The following GTF2F2 variants were observed in gnomAD, a reference collection of about 807,000 sequenced individuals.
GTF2F2 encodes the protein ATP-dependent helicase GTF2F2.
A neutral mutation model predicts 42.2 loss-of-function variants in GTF2F2; 23 were observed. The ratio of observed to expected loss-of-function variants is 0.55; its 90% CI spans 0.39 to 0.77. The LOEUF (loss-of-function observed/expected upper bound fraction) is 0.77, where lower values mean the gene tolerates loss of function less well. GTF2F2 is among the 30% of genes least tolerant of loss of function. The pLI, the probability that GTF2F2 is intolerant of heterozygous loss-of-function variation, is 0.00. For synonymous variants in GTF2F2, 105 were observed against 100.8 expected, an observed-to-expected ratio of 1.04 and a Z score of -0.25; for missense variants, 261 against 287.2, an observed-to-expected ratio of 0.91 and a Z score of 0.66.
chr13:45,164,527 G>T (rs1204675162), intron 4 of GTF2F2, among the ~76,000 whole-genome samples: 1 of 152,178 alleles, frequency 6.6e-6, no homozygotes. Flanking sequence ...GAGCCCAGAA[G>T]TTAGAGACCA....
chr13:45,275,751 T>C (rs1324100311), intron 7 of GTF2F2, among the ~76,000 whole-genome samples: 5 of 152,132 alleles, frequency 3.3e-5, no homozygotes, highest in East Asian at 1.9e-4. Context: ...TGAATAGTGC[T>C]GCAGTAAACA....
intron 5 of GTF2F2, among the ~76,000 whole-genome samples, chr13:45,240,413 T>A (rs1875229385): frequency 6.6e-6 from 1 of 152,188 alleles, no homozygotes; most frequent in Non-Finnish European, 1.5e-5. Flanking sequence ...TGGCCTGGTG[T>A]AGCTAGTGTA....
At chr13:45,132,381 G>A (rs534405805) in intron 1 of GTF2F2, among the ~76,000 whole-genome samples, 2 of 151,002 alleles carry the variant, frequency 1.3e-5, no homozygotes, top group Admixed American at 6.6e-5. Context: ...AGGGTTGTTG[G>A]ACTTAAGAGT....
chr13:45,182,349 G>A (rs749875770), intron 4 of GTF2F2, among the ~76,000 whole-genome samples: 14 of 151,770 alleles, frequency 9.2e-5, no homozygotes, highest in Admixed American at 4.6e-4. Flanking sequence ...CACCTGCCTC[G>A]GCCTCCCAAA....
At chr13:45,165,111 A>C (rs1387475659) in intron 4 of GTF2F2, among the ~76,000 whole-genome samples, 1 of 152,056 alleles carries the variant, frequency 6.6e-6, no homozygotes, top group East Asian at 1.9e-4. Context: ...ATGAGCACTT[A>C]CACAGTGTGG....
intron 6 of GTF2F2, among the ~76,000 whole-genome samples, chr13:45,261,566 G>A (rs926208102): frequency 1.3e-5 from 2 of 152,064 alleles, no homozygotes; most frequent in African/African-American, 4.8e-5. Context: ...CAGTTGCGCA[G>A]TGATCTGTGA....
intron 2 of GTF2F2, among the ~76,000 whole-genome samples, chr13:45,144,467 T>C (rs1050268383): frequency 2.8e-5 from 4 of 142,042 alleles, no homozygotes; most frequent in African/African-American, 1.0e-4. Context: ...CTTTTTTTTT[T>C]TTTTTTTTTT....
At chr13:45,191,224 A>AAAAAAAATATATATATATATATAT in intron 4 of GTF2F2, among the ~76,000 whole-genome samples, 35 of 75,288 alleles carry the variant, frequency 4.6e-4, no homozygotes, top group African/African-American at 1.3e-3. Context: ...ACAAAAAAAA[A>AAAAAAAATATATATATATATATAT]ATATATATAT....
chr13:45,189,220 A>G (rs1872538535), intron 4 of GTF2F2, among the ~76,000 whole-genome samples: 1 of 152,156 alleles, frequency 6.6e-6, no homozygotes, highest in African/African-American at 2.4e-5. Context: ...TGTCCCTGCA[A>G]AGGACATCAA....
Position 45,275,669 on chromosome 13 carries a change from A to G in GTF2F2, c.631-7773A>G, listed in dbSNP as rs577364699. ...ATGGCTGCAGAGTATTCCATGGTGTATATGTGCCACATTTTCTTAATCCAG... is the reference window on the plus strand; with the variant it reads ...ATGGCTGCAGAGTATTCCATGGTGTGTATGTGCCACATTTTCTTAATCCAG... On this transcript the variant is annotated intron_variant, in intron 7 of 7. Coordinates refer to ENST00000340473, the MANE Select transcript of GTF2F2 (RefSeq NM_004128.3). Among the ~76,000 whole-genome samples, 691 of 152,154 alleles carry G rather than the reference A, an allele frequency of 4.5e-3. 6 individuals are homozygous for G. Among genetic ancestry groups the G allele is most frequent in the Middle Eastern group, 0.024 (7 of 294 alleles).
At chr13:45,212,460 TTTC>T (rs1417517913) in intron 5 of GTF2F2, among the ~76,000 whole-genome samples, 1,659 of 23,096 alleles carry the variant, frequency 0.072, 143 homozygotes, top group African/African-American at 0.15. Flanking sequence ...TCTTTCTTTC[TTTC>T]TTTCTTTCTT....
chr13:45,211,971 G>A (rs992257339), intron 5 of GTF2F2, among the ~76,000 whole-genome samples: 7 of 151,392 alleles, frequency 4.6e-5, no homozygotes, highest in Non-Finnish European at 7.4e-5. Context: ...ACACACACAC[G>A]CACACACACA....
chr13:45,210,681 A>G (rs1273588913), intron 5 of GTF2F2, among the ~76,000 whole-genome samples: 7 of 152,278 alleles, frequency 4.6e-5, no homozygotes, highest in Non-Finnish European at 7.4e-5. Flanking sequence ...TTCATTCCAC[A>G]TAGTAGCTAG....
At chr13:45,195,432 T>C (rs1872842967) in intron 4 of GTF2F2, among the ~76,000 whole-genome samples, 1 of 152,184 alleles carries the variant, frequency 6.6e-6, no homozygotes, top group Non-Finnish European at 1.5e-5. Flanking sequence ...ATACTGTGAC[T>C]GTGTATGTGC....
chr13:45,156,806 A>G (rs1870778033), intron 4 of GTF2F2, among the ~76,000 whole-genome samples: 1 of 152,198 alleles, frequency 6.6e-6, no homozygotes, highest in Non-Finnish European at 1.5e-5. Context: ...CTGATAACGC[A>G]GTGACTTTTT....
At chr13:45,148,370 C>G (rs61947852) in intron 2 of GTF2F2, among the ~76,000 whole-genome samples, 1 of 151,900 alleles carries the variant, frequency 6.6e-6, no homozygotes, top group African/African-American at 2.4e-5. Flanking sequence ...TATGGTTGAG[C>G]CCCTTTAGAG....
intron 7 of GTF2F2, among the ~76,000 whole-genome samples, chr13:45,275,738 T>C (rs1877006376): frequency 6.6e-6 from 1 of 152,110 alleles, no homozygotes; most frequent in African/African-American, 2.4e-5. Flanking sequence ...GTCTTTGCTA[T>C]TGTGAATAGT....
intron 5 of GTF2F2, among the ~76,000 whole-genome samples, chr13:45,208,016 G>A (rs1398654349): frequency 4.0e-5 from 6 of 151,856 alleles, no homozygotes. Context: ...AAATTAGCTG[G>A]GCGTGGCTGA....
chr13:45,263,400 T>A (rs1044787771), intron 6 of GTF2F2, among the ~76,000 whole-genome samples: 1 of 152,054 alleles, frequency 6.6e-6, no homozygotes, highest in East Asian at 1.9e-4. Context: ...GGCTAATTTT[T>A]TGTATTTTTA....
Sources: gnomAD v4.1 joint callset for allele counts (sites outside exome capture counted in the v4.1 genomes callset) on GRCh38, gnomAD v4.1.1 for gene constraint, MANE v1.5 for transcripts, NCBI Gene and HGNC (gene_info 2026-07-23, HGNC 2026-07-21) for gene names.